DESI2: variants seen among roughly 807,000 people sequenced by gnomAD.
DESI2 encodes desumoylating isopeptidase 2.
Under a neutral mutation model 24.1 loss-of-function variants are expected in DESI2, and 10 were observed. The observed-to-expected ratio is 0.41, with a 90% confidence interval of 0.26 to 0.70. The LOEUF (loss-of-function observed/expected upper bound fraction) is 0.70, where lower values mean the gene tolerates loss of function less well. DESI2 is among the 30% of genes least tolerant of loss of function. The probability of loss-of-function intolerance (pLI) is 0.29; values close to 1 mark genes in which losing one functional copy is unlikely to be tolerated. For synonymous variants in DESI2, 71 were observed against 87.7 expected (o/e 0.81, Z 1.06); for missense variants, 122 against 234.9 (o/e 0.52, Z 3.14).
chr1:244,692,118 C>T (rs1369583446), intron 4 of DESI2, 98 bp downstream of exon 4: 22 of 1,083,560 alleles, frequency 2.0e-5, no homozygotes, highest in East Asian at 1.8e-4. Flanking sequence ...ACTTCTTTTC[C>T]GATTTTTTGT....
intron 1 of DESI2, among the ~76,000 whole-genome samples, chr1:244,663,222 G>T (rs1038181976): frequency 6.6e-6 from 1 of 151,212 alleles, no homozygotes; most frequent in African/African-American, 2.4e-5. Flanking sequence ...GTCTCGCTCT[G>T]TCGCCCAGGC....
At chr1:244,665,378 C>T (rs1676006117) in intron 1 of DESI2, among the ~76,000 whole-genome samples, 1 of 152,154 alleles carries the variant, frequency 6.6e-6, no homozygotes, top group South Asian at 2.1e-4. Flanking sequence ...ATCTCATCCC[C>T]TCCATAACCC....
At chr1:244,660,735 AAATT>A (rs1458996809) in intron 1 of DESI2, among the ~76,000 whole-genome samples, 1 of 152,244 alleles carries the variant, frequency 6.6e-6, no homozygotes, top group Non-Finnish European at 1.5e-5. Flanking sequence ...TAAAAACAAT[AAATT>A]AAAAATCAAC....
At chr1:244,660,502 G>A (rs1036420802) in intron 1 of DESI2, among the ~76,000 whole-genome samples, 29 of 152,106 alleles carry the variant, frequency 1.9e-4, no homozygotes, top group African/African-American at 6.3e-4. Context: ...TACACTTTCC[G>A]TTTGTTGACT....
At chr1:244,703,689 T>C (rs539556560) in intron 4 of DESI2, among the ~76,000 whole-genome samples, 9 of 150,654 alleles carry the variant, frequency 6.0e-5, no homozygotes, top group African/African-American at 1.5e-4. Context: ...GACAGAGTCT[T>C]GCTCTGTTGC....
intron 1 of DESI2, 162 bp downstream of exon 1, chr1:244,653,517 A>C (rs1322500727): frequency 3.0e-6 from 2 of 661,370 alleles, no homozygotes; most frequent in Non-Finnish European, 4.7e-6. Flanking sequence ...GTTATTTTTT[A>C]ATCCTCGCAC....
chr1:244,653,559 G>T lies in DESI2; in HGVS notation c.42+204G>T, dbSNP rs560474370. Reference sequence around the variant, plus strand: ...ACGCTCCGGTGAACCCAGTCAGCCCGAGGGTTTTGGCCAAAGCTCGGGTGG... The same window carrying T: ...ACGCTCCGGTGAACCCAGTCAGCCCTAGGGTTTTGGCCAAAGCTCGGGTGG... On this transcript the variant is annotated intron_variant, in intron 1 of 4. Coordinates refer to ENST00000302550, the MANE Select transcript of DESI2 (RefSeq NM_016076.5). 1.0e-4 allele frequency: 57 copies of T among 555,204 alleles called. No individual in the cohort carries two copies. The South Asian group carries it at 1.4e-3, about 14-fold the overall frequency. 34.4% of individuals were successfully genotyped at this position (555,204 alleles called of 1,614,324 possible).
Position 244,665,155 on chromosome 1 carries a change from A to AT in DESI2, c.42+11802dup, listed in dbSNP as rs1356499422. Among the ~76,000 whole-genome samples, 35 of 152,010 alleles carry AT rather than the reference A, an allele frequency of 2.3e-4. 2 individuals are homozygous for AT. Among genetic ancestry groups the AT allele is most frequent in the Admixed American group, 4.6e-4 (7 of 15,254 alleles). ...CAGTTTTGATATTGAATCTTCCGAT[A>AT]TTAATACCTGATTTTTTTTTTTTAG... is the stretch of plus-strand genomic sequence containing the variant. On this transcript the variant is annotated intron_variant, in intron 1 of 4. Transcript: ENST00000302550.
rs1677699742 is a variant in DESI2 at position 244,706,209 on chromosome 1, A to G, written c.*420A>G. ...GATCTATGGCATAAATAGGCACACA[A>G]AAAGGTACTTAAACAGTTATAGTCA... On this transcript the variant is annotated 3_prime_UTR_variant, in exon 5 of 5. Transcript: ENST00000302550. 1 of 182,980 alleles carries G rather than the reference A, an allele frequency of 5.5e-6. No individual in the cohort carries two copies. The highest frequency in any genetic ancestry group is 1.2e-5 in the Non-Finnish European group (1 of 85,938). 11.3% of individuals were successfully genotyped at this position (182,980 alleles called of 1,614,324 possible). A position where few individuals can be genotyped will look rare whatever the true frequency, so the allele number is the denominator to read the frequency against.
chr1:244,697,337 G>A (rs1172045642), intron 4 of DESI2, among the ~76,000 whole-genome samples: 6 of 151,844 alleles, frequency 4.0e-5, no homozygotes, highest in African/African-American at 1.5e-4. Context: ...GTGAAACCCC[G>A]TCTCTACCAA....
chr1:244,708,819 T>C lies in DESI2; in HGVS notation c.*3030T>C, dbSNP rs779715153. On this transcript the variant is annotated 3_prime_UTR_variant, in exon 5 of 5. Coordinates refer to ENST00000302550, the MANE Select transcript of DESI2 (RefSeq NM_016076.5). ...TCGTTGTCTTCTCTTTCAATACATGTACATCTTTACTGTTTGAAAAGTGTT... is the reference window on the plus strand; with the variant it reads ...TCGTTGTCTTCTCTTTCAATACATGCACATCTTTACTGTTTGAAAAGTGTT... 2.0e-5 allele frequency: 3 copies of C among 152,670 alleles called. No individual in the cohort carries two copies. The highest frequency in any genetic ancestry group is 1.3e-4 in the Admixed American group (2 of 15,284). 9.5% of individuals were successfully genotyped at this position (152,670 alleles called of 1,614,324 possible).
intron 1 of DESI2, among the ~76,000 whole-genome samples, chr1:244,673,495 G>A (rs1348564275): frequency 2.0e-5 from 3 of 152,070 alleles, no homozygotes; most frequent in African/African-American, 4.8e-5. Flanking sequence ...TTTTCCTTGT[G>A]ACTAAAAGCA....
At chr1:244,682,383 G>A (rs1443721127) in intron 1 of DESI2, among the ~76,000 whole-genome samples, 1 of 152,190 alleles carries the variant, frequency 6.6e-6, no homozygotes, top group Non-Finnish European at 1.5e-5. Context: ...GACCCAGGAA[G>A]TCCAGCTGGC....
chr1:244,691,246 G>T (rs1161786642), intron 3 of DESI2, among the ~76,000 whole-genome samples: 1 of 152,176 alleles, frequency 6.6e-6, no homozygotes, highest in East Asian at 1.9e-4. Context: ...CTGCCATCAT[G>T]CCCGACTAAT....
chr1:244,691,157 C>T (rs1050025686), intron 3 of DESI2, among the ~76,000 whole-genome samples: 2 of 152,100 alleles, frequency 1.3e-5, no homozygotes, highest in Non-Finnish European at 1.5e-5. Flanking sequence ...GGTACGATCT[C>T]GGCTCACTGC....
intron 1 of DESI2, among the ~76,000 whole-genome samples, chr1:244,674,967 A>C (rs1297215848): frequency 6.6e-6 from 1 of 152,232 alleles, no homozygotes. Context: ...AACATGATAC[A>C]TTCCCACCAG....
chr1:244,657,128 A>G (rs188127229), intron 1 of DESI2, among the ~76,000 whole-genome samples: 1 of 152,364 alleles, frequency 6.6e-6, no homozygotes, highest in Non-Finnish European at 1.5e-5. Flanking sequence ...TTTAAAGAAT[A>G]GAAAAGAACC....
intron 1 of DESI2, chr1:244,656,230 T>A (rs2148777128): frequency 6.6e-6 from 1 of 152,344 alleles, no homozygotes; most frequent in East Asian, 1.9e-4. Flanking sequence ...TCTTGCCATG[T>A]GTCCTTGTGT....
intron 1 of DESI2, among the ~76,000 whole-genome samples, chr1:244,668,625 T>C (rs1676132481): frequency 6.6e-6 from 1 of 152,194 alleles, no homozygotes; most frequent in Non-Finnish European, 1.5e-5. Context: ...TAAGTGGTTA[T>C]ATTAAGTGTT....
Sources: allele counts gnomAD v4.1 joint callset (sites outside exome capture counted in the v4.1 genomes callset), GRCh38; gene constraint gnomAD v4.1.1; transcripts MANE v1.5; gene names NCBI Gene and HGNC (gene_info 2026-07-23, HGNC 2026-07-21).